PDZRN3: variants seen among roughly 807,000 people sequenced by gnomAD.
PDZRN3 encodes the protein E3 ubiquitin-protein ligase PDZRN3.
In PDZRN3, 38 loss-of-function variants were observed where a neutral mutation model predicts 85.7. The ratio of observed to expected loss-of-function variants is 0.44; its 90% CI spans 0.34 to 0.58. PDZRN3 has a LOEUF of 0.58. PDZRN3 is among the 20% of genes least tolerant of loss of function. PDZRN3 has a pLI of 0.01. For missense variants in PDZRN3, 1,629 were observed against 1,506.4 expected (o/e 1.08, Z -1.35); for synonymous variants, 759 against 638.0 (o/e 1.19, Z -2.86).
Position 73,617,949 on chromosome 3 carries a change from T to C in PDZRN3, c.723+6154A>G, listed in dbSNP as rs1403983577. ...TCAAACTCCTGACCTCAAGTGATCTTTCCGGCTAGGCCTCCCAAACTGCTG... is the reference window on the plus strand; with the variant it reads ...TCAAACTCCTGACCTCAAGTGATCTCTCCGGCTAGGCCTCCCAAACTGCTG... On this transcript the variant is annotated intron_variant, in intron 1 of 9. Coordinates refer to ENST00000263666, the MANE Select transcript of PDZRN3 (RefSeq NM_015009.3). Among the ~76,000 whole-genome samples, 12 of 152,196 alleles carry C rather than the reference T, an allele frequency of 7.9e-5. No individual in the cohort carries two copies. The East Asian group carries it at 2.3e-3, about 29-fold the overall frequency.
intron 3 of PDZRN3, among the ~76,000 whole-genome samples, chr3:73,600,333 A>ACTCTCTCT (rs1415189079): frequency 3.4e-4 from 13 of 38,440 alleles, no homozygotes; most frequent in African/African-American, 9.3e-4. Flanking sequence ...ACACACACAC[A>ACTCTCTCT]CACACTCTCT....
At chr3:73,485,871 A>C (rs1703651741) in intron 3 of PDZRN3, among the ~76,000 whole-genome samples, 1 of 152,216 alleles carries the variant, frequency 6.6e-6, no homozygotes, top group Non-Finnish European at 1.5e-5. Context: ...CAAAGATGAT[A>C]AAAACCTCTA....
chr3:73,476,234 C>G (rs533948282), intron 3 of PDZRN3, among the ~76,000 whole-genome samples: 3 of 152,246 alleles, frequency 2.0e-5, no homozygotes, highest in South Asian at 4.1e-4. Context: ...TATACAGGAG[C>G]ATGGCTGGGG....
chr3:73,524,393 G>T (rs1704470454), intron 3 of PDZRN3, among the ~76,000 whole-genome samples: 1 of 152,222 alleles, frequency 6.6e-6, no homozygotes, highest in East Asian at 1.9e-4. Context: ...GGCAATCACA[G>T]GGAGATTTCA....
chr3:73,443,645 C>G (rs893363117), intron 3 of PDZRN3, among the ~76,000 whole-genome samples: 1 of 151,794 alleles, frequency 6.6e-6, no homozygotes, highest in African/African-American at 2.4e-5. Context: ...ACCACTATGC[C>G]TGGCTATTTT....
At chr3:73,440,873 C>G (rs1702622365) in intron 3 of PDZRN3, among the ~76,000 whole-genome samples, 1 of 152,176 alleles carries the variant, frequency 6.6e-6, no homozygotes, top group African/African-American at 2.4e-5. Flanking sequence ...GTCGGGCAGT[C>G]CTCCGACCAG....
Position 73,387,998 on chromosome 3 carries a change from A to G in PDZRN3, c.1488T>C (p.Phe496=). The change falls in exon 8 of 10, where the codon TTT becomes TTC. Residue 496 remains phenylalanine (F), a synonymous_variant. Transcript: ENST00000263666. ...ALLTSEENKN[F]SLLIARPELQ... is the part of the protein sequence containing the mutation. The stretch of plus-strand genomic sequence containing the variant: ...GTTCAGGCCTTGCAATCAGCAATGA[A>G]AAGTTTTTATTTTCTTCACTGGTTA... 2 of 1,592,400 alleles carry G rather than the reference A, an allele frequency of 1.3e-6. No individual in the cohort carries two copies. Among genetic ancestry groups the G allele is most frequent in the Non-Finnish European group, 1.7e-6 (2 of 1,164,966 alleles).
At chr3:73,437,617 G>A (rs1575653879) in intron 3 of PDZRN3, among the ~76,000 whole-genome samples, 1 of 152,236 alleles carries the variant, frequency 6.6e-6, no homozygotes, top group East Asian at 1.9e-4. Flanking sequence ...TCGACTCATG[G>A]TTGAGTTTCC....
intron 2 of PDZRN3, among the ~76,000 whole-genome samples, chr3:73,603,848 C>A (rs67676861): frequency 0.21 from 30,956 of 149,326 alleles, 3,456 homozygotes; most frequent in Middle Eastern, 0.25. Context: ...TCCTTCTCTC[C>A]TTCCTTCTTC....
chr3:73,434,498 T>C (rs1247498724), intron 3 of PDZRN3, among the ~76,000 whole-genome samples: 1 of 152,218 alleles, frequency 6.6e-6, no homozygotes, highest in Non-Finnish European at 1.5e-5. Context: ...CTAGGGGTTA[T>C]AAGGAGAGAG....
chr3:73,389,806 G>GTT lies in PDZRN3; in HGVS notation c.1416+9_1416+10insAA. The GTT allele has an allele frequency of 6.2e-7, 1 of 1,603,066 alleles. No homozygotes were observed. The highest frequency in any genetic ancestry group is 8.5e-7 in the Non-Finnish European group (1 of 1,169,938). ...CCCATCATGAGGCCATTGTTTGGAA[G>GTT]TGGACTTACCTGGATAATGCGGTCT... On this transcript the variant is annotated intron_variant, in intron 7 of 9. Coordinates refer to ENST00000263666, the MANE Select transcript of PDZRN3 (RefSeq NM_015009.3).
chr3:73,440,533 A>C (rs1702614730), intron 3 of PDZRN3, among the ~76,000 whole-genome samples: 1 of 152,152 alleles, frequency 6.6e-6, no homozygotes, highest in Non-Finnish European at 1.5e-5. Flanking sequence ...CCCGTGAGAC[A>C]CCTTGACTCC....
chr3:73,384,034 G>A lies in PDZRN3; in HGVS notation c.2532C>T (p.Asp844=), dbSNP rs371635820. The stretch of plus-strand genomic sequence containing the variant: ...GGCTGGGCGTGGGGCTCCGGCTCCC[G>A]TCGCTGGCTCTCCGCTCTTTGCTTT... The part of the protein sequence containing the change: ...PLESKERRAS[D]GSRSPTPSQK... The change falls in exon 10 of 10, where the codon GAC becomes GAT. Residue 844 remains aspartate (D), a synonymous_variant. Coordinates refer to ENST00000263666, the MANE Select transcript of PDZRN3 (RefSeq NM_015009.3). 2.6e-5 allele frequency: 42 copies of A among 1,595,586 alleles called. No individual in the cohort carries two copies. The African/African-American group carries it at 3.1e-4, about 12-fold the overall frequency.
At chr3:73,443,506 G>GA (rs1553689635) in intron 3 of PDZRN3, among the ~76,000 whole-genome samples, 2 of 146,950 alleles carry the variant, frequency 1.4e-5, no homozygotes, top group African/African-American at 5.2e-5. Flanking sequence ...TTTGGGGGGG[G>GA]GACAGCGCTT....
At chr3:73,590,623 T>G (rs536188346) in intron 3 of PDZRN3, among the ~76,000 whole-genome samples, 2 of 150,470 alleles carry the variant, frequency 1.3e-5, no homozygotes, top group Admixed American at 6.6e-5. Flanking sequence ...AATTAAGATG[T>G]TGTTCTGTTG....
intron 3 of PDZRN3, among the ~76,000 whole-genome samples, chr3:73,407,323 T>C (rs965591775): frequency 6.6e-6 from 1 of 152,176 alleles, no homozygotes; most frequent in African/African-American, 2.4e-5. Context: ...GAGGCCAGCT[T>C]AACACACTGA....
At chr3:73,456,965 A>T (rs1702991033) in intron 3 of PDZRN3, among the ~76,000 whole-genome samples, 1 of 152,166 alleles carries the variant, frequency 6.6e-6, no homozygotes, top group Admixed American at 6.5e-5. Flanking sequence ...GGTACTTAAT[A>T]GACATTACCA....
chr3:73,615,914 A>G (rs1702755050), intron 1 of PDZRN3, among the ~76,000 whole-genome samples: 1 of 152,146 alleles, frequency 6.6e-6, no homozygotes, highest in African/African-American at 2.4e-5. Context: ...TGTCCCCCCA[A>G]ATCTCTGTTG....
intron 3 of PDZRN3, among the ~76,000 whole-genome samples, chr3:73,502,414 G>A (rs554696379): frequency 6.6e-6 from 1 of 152,294 alleles, no homozygotes; most frequent in East Asian, 1.9e-4. Flanking sequence ...CCTAAAAGAT[G>A]GGAACTGTTA....
Sources: allele counts gnomAD v4.1 joint callset (sites outside exome capture counted in the v4.1 genomes callset), GRCh38; gene constraint gnomAD v4.1.1; transcripts MANE v1.5; gene names NCBI Gene and HGNC (gene_info 2026-07-23, HGNC 2026-07-21).